PDE6A: variants seen among roughly 807,000 people sequenced by gnomAD.
The protein encoded by PDE6A is rod cGMP-specific 3',5'-cyclic phosphodiesterase subunit alpha.
In PDE6A, 84 loss-of-function variants were observed where a neutral mutation model predicts 106.3. The ratio of observed to expected loss-of-function variants is 0.79; its 90% CI spans 0.66 to 0.95. PDE6A has a LOEUF of 0.95. Among genes scored for constraint, PDE6A ranks in the 40% least tolerant of loss-of-function variants. PDE6A has a pLI of 0.00. For missense variants in PDE6A, 1,052 were observed against 1,084.9 expected (o/e 0.97, Z 0.43); for synonymous variants, 394 against 386.6 (o/e 1.02, Z -0.23).
chr5:149,870,589 G>A (rs1002461249), intron 17 of PDE6A, among the ~76,000 whole-genome samples: 1 of 152,074 alleles, frequency 6.6e-6, no homozygotes, highest in Admixed American at 6.5e-5. Context: ...CTGTGTGCAT[G>A]GGATGAAGGA....
chr5:149,941,874 T>TATTTTTTAGCA (rs1490352039), intron 1 of PDE6A, among the ~76,000 whole-genome samples: 1 of 152,236 alleles, frequency 6.6e-6, no homozygotes, highest in Non-Finnish European at 1.5e-5. Flanking sequence ...TTTTTTTCTT[T>TATTTTTTAGCA]ATTTTTTAGC....
At chr5:149,933,327 G>A (rs1402682554) in intron 3 of PDE6A, among the ~76,000 whole-genome samples, 1 of 152,102 alleles carries the variant, frequency 6.6e-6, no homozygotes, top group Non-Finnish European at 1.5e-5. Context: ...GTCTTACTAT[G>A]TTTCCCAGGC....
At chr5:149,867,933 C>T (rs2113508064) in intron 18 of PDE6A, 134 bp from the exon 19 acceptor site, 3 of 1,100,224 alleles carry the variant, frequency 2.7e-6, no homozygotes, top group Non-Finnish European at 4.2e-6. Flanking sequence ...CTCACTTTTG[C>T]TGTCATCACT....
chr5:149,942,271 T>A (rs1016257310), intron 1 of PDE6A, among the ~76,000 whole-genome samples: 4 of 152,158 alleles, frequency 2.6e-5, no homozygotes, highest in Non-Finnish European at 4.4e-5. Flanking sequence ...CCTTTTTTCA[T>A]TTTTTCCTCT....
chr5:149,933,984 G>T lies in PDE6A; in HGVS notation c.663C>A (p.Ile221=). The change falls in exon 3 of 22, where the codon ATC becomes ATA. Residue 221 remains isoleucine (I), a synonymous_variant. Transcript: ENST00000255266. ...LLKYLNFANL[I]MKVYHLSYLH... is the part of the protein sequence containing the mutation. ...GGTAACTCAGGTGGTACACCTTCAT[G>T]ATTAGATTTGCAAAATTGAGGTACT... is the stretch of plus-strand genomic sequence containing the variant. 6.2e-7 allele frequency: 1 copy of T among 1,613,472 alleles called. No individual in the cohort carries two copies. The highest frequency in any genetic ancestry group is 1.1e-5 in the South Asian group (1 of 91,018).
chr5:149,863,214 TTGG>T lies in PDE6A; in HGVS notation c.2408_2410del (p.Thr803del). On this transcript the variant is annotated inframe_deletion, in exon 21 of 22. Coordinates refer to ENST00000255266, the MANE Select transcript of PDE6A (RefSeq NM_000440.3). This position sits in a 1 kb window ranked among gnomAD's most constrained non-coding sequence, Gnocchi z 4.7. ...AAGCGCCTTCCACTCCTTGCGATTG[TTGG>T]TGATCCCGTCCAACATTGGGGTGAT... 5.6e-6 allele frequency: 9 copies of T among 1,614,182 alleles called. No individual in the cohort carries two copies. The highest frequency in any genetic ancestry group is 7.6e-6 in the Non-Finnish European group (9 of 1,180,018).
At chr5:149,883,624 C>G in intron 16 of PDE6A, 88 bp from the exon 17 acceptor site, 1 of 886,742 alleles carries the variant, frequency 1.1e-6, no homozygotes, top group Non-Finnish European at 1.9e-6. Flanking sequence ...CAGATGGAGC[C>G]TTATTAAATC....
chr5:149,937,899 A>G (rs1754229739), intron 1 of PDE6A, among the ~76,000 whole-genome samples: 1 of 152,210 alleles, frequency 6.6e-6, no homozygotes, highest in Non-Finnish European at 1.5e-5. Flanking sequence ...CCCATTTTAT[A>G]GACAACTCCC....
At chr5:149,920,235 T>C (rs1161348885) in intron 5 of PDE6A, among the ~76,000 whole-genome samples, 3 of 151,958 alleles carry the variant, frequency 2.0e-5, no homozygotes, top group African/African-American at 7.3e-5. Flanking sequence ...CTTAAATGCC[T>C]AGAGAGGTTG....
chr5:149,884,755 T>C, intron 15 of PDE6A, 25 bp downstream of exon 15: 2 of 1,602,184 alleles, frequency 1.2e-6, no homozygotes, highest in Non-Finnish European at 1.7e-6. Context: ...CCCCGCGGCC[T>C]GTAGACCCTT....
intron 16 of PDE6A, among the ~76,000 whole-genome samples, chr5:149,884,197 A>ATATATAT (rs1396828370): frequency 6.3e-5 from 9 of 142,432 alleles, no homozygotes; most frequent in East Asian, 4.0e-4. Flanking sequence ...AGAAAAAAAA[A>ATATATAT]AAATATATAT....
chr5:149,928,093 A>T (rs1009153510), intron 4 of PDE6A, among the ~76,000 whole-genome samples: 1 of 150,586 alleles, frequency 6.6e-6, no homozygotes, highest in Non-Finnish European at 1.5e-5. Flanking sequence ...AAGTAGAAGG[A>T]GTCAACTCTA....
Position 149,919,473 on chromosome 5 carries a change from A to C in PDE6A, c.933+2162T>G, listed in dbSNP as rs554160942. Among the ~76,000 whole-genome samples the C allele has an allele frequency of 2.0e-5, 3 of 152,258 alleles. No individual in the cohort carries two copies. In the South Asian group the frequency reaches 6.2e-4, roughly 32 times the overall value. ...CAGTGAGCTGAGATCATGCCACTGC[A>C]CTCCAGCCTGGGCAACAGAGTGACA... On this transcript the variant is annotated intron_variant, in intron 5 of 21. Transcript: ENST00000255266.
At chr5:149,879,667 T>C (rs553115502) in intron 17 of PDE6A, among the ~76,000 whole-genome samples, 1 of 145,288 alleles carries the variant, frequency 6.9e-6, no homozygotes, top group Non-Finnish European at 1.5e-5. Flanking sequence ...TGAGTGAGAA[T>C]ATGTGGTGTT....
rs886206925 is a variant in PDE6A, at chr5:149,868,018, T to A, written c.2199+77A>T. 6.4e-6 allele frequency: 9 copies of A among 1,417,252 alleles called. No homozygotes were observed. In the African/African-American group the frequency reaches 1.3e-4, roughly 20 times the overall value. 87.8% of individuals were successfully genotyped at this position (1,417,252 alleles called of 1,614,324 possible). On this transcript the variant is annotated intron_variant, in intron 18 of 21. Transcript: ENST00000255266. ...AGGTGAGCTGGTTCTGGAGCTGGGC[T>A]GAGAGAGTCCAAGCCTCATGACCTG...
intron 14 of PDE6A, among the ~76,000 whole-genome samples, chr5:149,885,158 G>A (rs187547782): frequency 3.3e-4 from 50 of 152,308 alleles, no homozygotes; most frequent in African/African-American, 7.9e-4. Context: ...CTGAATTTCC[G>A]CAAGCCGTGT....
At position 149,931,034 on chromosome 5, in the gene PDE6A, C is replaced by T. The variant is rs1754019076; in HGVS notation, c.852G>A (p.Lys284=). The change falls in exon 4 of 22, where the codon AAG becomes AAA. Residue 284 remains lysine (K), a synonymous_variant. Transcript: ENST00000255266. ...GTTGCTGAAGTTTTCTCACCTTCTG[C>T]TTGGTCATGTCTAAGAGACCCACAG... ...RYSVGLLDMT[K]QKEFFDVWPV... 1 of 1,613,914 alleles carries T rather than the reference C, an allele frequency of 6.2e-7. No individual in the cohort carries two copies. The highest frequency in any genetic ancestry group is 1.7e-5 in the Admixed American group (1 of 59,982).
Position 149,868,243 on chromosome 5 carries a change from A to AC in PDE6A, c.2136-86dup. The AC allele has an allele frequency of 4.6e-6, 6 of 1,309,442 alleles. No individual in the cohort carries two copies. In the South Asian group the frequency reaches 7.1e-5, roughly 16 times the overall value. The allele number at this position is 1,309,442 out of a possible 1,614,324, so 81.1% of individuals were successfully genotyped here. A position where few individuals can be genotyped will look rare whatever the true frequency, so the allele number is the denominator to read the frequency against. On this transcript the variant is annotated intron_variant, in intron 17 of 21. Transcript: ENST00000255266. ...AATTCCATCTCTCTCACCTTTCTCCACCCCCACTAGTAGGTGACTTTGTCT... is the reference window on the plus strand; with the variant it reads ...AATTCCATCTCTCTCACCTTTCTCCACCCCCCACTAGTAGGTGACTTTGTCT...
intron 5 of PDE6A, among the ~76,000 whole-genome samples, chr5:149,916,882 A>G (rs1043762146): frequency 6.6e-6 from 1 of 152,042 alleles, no homozygotes; most frequent in Non-Finnish European, 1.5e-5. Flanking sequence ...CATCACTGTC[A>G]CCTTGAACAG....
Sources: allele counts gnomAD v4.1 joint callset (sites outside exome capture counted in the v4.1 genomes callset), GRCh38; gene constraint gnomAD v4.1.1; non-coding constraint Gnocchi (gnomAD v3.1); transcripts MANE v1.5; gene names NCBI Gene and HGNC (gene_info 2026-07-23, HGNC 2026-07-21).